The following MYO18A variants were observed in gnomAD, a reference collection of about 807,000 sequenced individuals.
The protein encoded by MYO18A is unconventional myosin-XVIIIa.
In MYO18A, 78 loss-of-function variants were observed where a neutral mutation model predicts 235.8. The observed-to-expected ratio is 0.33, with a 90% CI of 0.28 to 0.40. The LOEUF is 0.40. MYO18A is among the 10% of genes least tolerant of loss of function. MYO18A has a pLI of 1.00. For missense variants in MYO18A, 2,215 were observed against 2,699.3 expected (o/e 0.82, Z 3.98); for synonymous variants, 977 against 1,077.8 (o/e 0.91, Z 1.83).
intron 2 of MYO18A, among the ~76,000 whole-genome samples, chr17:29,142,153 C>T (rs1355517791): frequency 1.3e-5 from 2 of 152,226 alleles, no homozygotes; most frequent in Non-Finnish European, 1.5e-5. Context: ...ACCGTGGTCT[C>T]AATCTCCTGA....
chr17:29,097,402 A>AG (rs779927737), intron 26 of MYO18A, 52 bp from the exon 27 acceptor site: 1 of 1,593,130 alleles, frequency 6.3e-7, no homozygotes, highest in Non-Finnish European at 8.5e-7. Context: ...AGTCCCCAGA[A>AG]GGGGCAGAGG....
intron 2 of MYO18A, among the ~76,000 whole-genome samples, chr17:29,136,537 G>A (rs1000655696): frequency 6.6e-6 from 1 of 152,044 alleles, no homozygotes; most frequent in African/African-American, 2.4e-5. Context: ...AATGAGATGG[G>A]CCCTATACAA....
chr17:29,131,339 GCA>G, intron 2 of MYO18A: 13 of 947,508 alleles, frequency 1.4e-5, no homozygotes, highest in Admixed American at 6.2e-5. Context: ...ACACATGCCC[GCA>G]CACACACACG....
intron 3 of MYO18A, 61 bp downstream of exon 3, chr17:29,122,105 C>A: frequency 6.4e-7 from 1 of 1,564,296 alleles, no homozygotes; most frequent in East Asian, 2.3e-5. Context: ...AAGGCACATT[C>A]GCTGCCCAGC....
intron 35 of MYO18A, 55 bp from the exon 36 acceptor site, chr17:29,090,670 C>T: frequency 6.4e-7 from 1 of 1,572,910 alleles, no homozygotes; most frequent in Non-Finnish European, 8.7e-7. Flanking sequence ...ATTCAACCAG[C>T]CCAGCCCAGC....
intron 1 of MYO18A, among the ~76,000 whole-genome samples, chr17:29,173,283 G>A (rs2068447637): frequency 6.6e-6 from 1 of 151,702 alleles, no homozygotes; most frequent in Non-Finnish European, 1.5e-5. Context: ...GTAGAGACGG[G>A]GTTTCTCCAT....
chr17:29,086,140 G>T (rs977688565), intron 39 of MYO18A, among the ~76,000 whole-genome samples: 3 of 152,256 alleles, frequency 2.0e-5, no homozygotes, highest in African/African-American at 7.2e-5. Context: ...CCAGAGTGGG[G>T]CAGGTGCCAT....
At chr17:29,147,556 C>A (rs1182256086) in intron 2 of MYO18A, among the ~76,000 whole-genome samples, 6 of 150,826 alleles carry the variant, frequency 4.0e-5, no homozygotes, top group African/African-American at 1.2e-4. Context: ...ACATTCTGAG[C>A]TAACAGGATG....
intron 2 of MYO18A, among the ~76,000 whole-genome samples, chr17:29,138,585 G>C (rs1490385871): frequency 6.6e-6 from 1 of 152,222 alleles, no homozygotes; most frequent in African/African-American, 2.4e-5. Context: ...TGAGCATTTG[G>C]TATGTGTCAG....
chr17:29,122,586 A>G (rs968017293), intron 2 of MYO18A, among the ~76,000 whole-genome samples: 1 of 152,198 alleles, frequency 6.6e-6, no homozygotes, highest in Non-Finnish European at 1.5e-5. Context: ...GTTCTCCCTC[A>G]GCCACCCTCT....
intron 2 of MYO18A, among the ~76,000 whole-genome samples, chr17:29,143,034 C>T (rs1201356462): frequency 6.6e-6 from 1 of 152,190 alleles, no homozygotes; most frequent in Non-Finnish European, 1.5e-5. Context: ...CCTTGAACTC[C>T]TGACCGCAAG....
intron 2 of MYO18A, among the ~76,000 whole-genome samples, chr17:29,151,978 T>A (rs2067972946): frequency 6.6e-6 from 1 of 151,994 alleles, no homozygotes; most frequent in Admixed American, 6.6e-5. Flanking sequence ...ACTCTGGACA[T>A]ATCTGACATG....
At chr17:29,090,437 G>T in intron 36 of MYO18A, 95 bp downstream of exon 36, 1 of 1,136,204 alleles carries the variant, frequency 8.8e-7, no homozygotes, top group Non-Finnish European at 1.3e-6. Flanking sequence ...ACTGATGGCA[G>T]AGAAAAGCGC....
rs138893792 is a variant in MYO18A at position 29,162,014 on chromosome 17, G to A, written c.999+3928C>T. Among the ~76,000 whole-genome samples the A allele has an allele frequency of 2.6e-4, 39 of 152,206 alleles. 1 individual carries two copies. The East Asian group carries it at 2.7e-3, about 11-fold the overall frequency. Reference sequence around the variant, plus strand: ...TGTAGCATCTTCCCAGTACTCTGGCGGTCACATGACCCCTCCTCTCCCTCA... The same window carrying A: ...TGTAGCATCTTCCCAGTACTCTGGCAGTCACATGACCCCTCCTCTCCCTCA... On this transcript the variant is annotated intron_variant, in intron 2 of 41. Transcript: ENST00000527372.
chr17:29,175,113 A>T (rs2068494359), intron 1 of MYO18A, among the ~76,000 whole-genome samples: 1 of 151,586 alleles, frequency 6.6e-6, no homozygotes, highest in South Asian at 2.1e-4. Flanking sequence ...CCATATTTTA[A>T]TTTTTTTTCT....
intron 1 of MYO18A, among the ~76,000 whole-genome samples, chr17:29,172,503 G>C (rs1484344395): frequency 1.3e-5 from 2 of 151,778 alleles, no homozygotes; most frequent in African/African-American, 4.8e-5. Context: ...AAAAATATGA[G>C]TAAATAGCTA....
intron 36 of MYO18A, among the ~76,000 whole-genome samples, 166 bp downstream of exon 36, chr17:29,090,366 T>C (rs996731276): frequency 2.0e-5 from 3 of 152,196 alleles, no homozygotes; most frequent in Admixed American, 1.3e-4. Context: ...CCCAAATGTC[T>C]GTTATGGTGA....
At chr17:29,177,929 A>G (rs144964171) in intron 1 of MYO18A, among the ~76,000 whole-genome samples, 2 of 152,306 alleles carry the variant, frequency 1.3e-5, no homozygotes, top group East Asian at 3.9e-4. Context: ...GACCTGTGAC[A>G]CAGCAAGTCC....
chr17:29,165,890 G>A (rs1278075655), intron 2 of MYO18A, 52 bp downstream of exon 2: 18 of 1,526,252 alleles, frequency 1.2e-5, no homozygotes, highest in African/African-American at 2.7e-5. Context: ...CAAGCAGGAG[G>A]TGCCCACATT....
Sources: allele counts gnomAD v4.1 joint callset (sites outside exome capture counted in the v4.1 genomes callset), GRCh38; gene constraint gnomAD v4.1.1; transcripts MANE v1.5; gene names NCBI Gene and HGNC (gene_info 2026-07-23, HGNC 2026-07-21).